Variants in MBD5 observed in about 807,000 individuals in gnomAD.
MBD5 encodes the protein methyl-CpG-binding domain protein 5.
Under a neutral mutation model 117.3 loss-of-function variants are expected in MBD5, and 13 were observed. The observed-to-expected ratio is 0.11, with a 90% CI of 0.07 to 0.18. MBD5 has a LOEUF of 0.18. MBD5 is among the 10% of genes least tolerant of loss of function. The probability of loss-of-function intolerance (pLI) is 1.00; values close to 1 mark genes in which losing one functional copy is unlikely to be tolerated. For synonymous variants in MBD5, 727 were observed against 766.4 expected, an observed-to-expected ratio of 0.95 and a Z score of 0.85; for missense variants, 1,879 against 2,093.8, an observed-to-expected ratio of 0.90 and a Z score of 2.00.
At chr2:148,138,968 C>CTGCAT (rs1397386394) in intron 1 of MBD5, among the ~76,000 whole-genome samples, 1 of 152,138 alleles carries the variant, frequency 6.6e-6, no homozygotes, top group Non-Finnish European at 1.5e-5. Flanking sequence ...GCAGTTTCTA[C>CTGCAT]TGTTGTGTTT....
chr2:148,105,191 A>C (rs1238322355), intron 1 of MBD5, among the ~76,000 whole-genome samples: 2 of 148,680 alleles, frequency 1.3e-5, no homozygotes, highest in African/African-American at 4.9e-5. Context: ...CAGCATCTAT[A>C]GTTATATAGT....
chr2:148,276,186 G>T (rs889200312), intron 3 of MBD5, among the ~76,000 whole-genome samples: 2 of 151,992 alleles, frequency 1.3e-5, no homozygotes, highest in African/African-American at 4.8e-5. Flanking sequence ...CAAATGTAAT[G>T]GTGCATGCCC....
chr2:148,387,842 C>G (rs1461787696), intron 4 of MBD5, among the ~76,000 whole-genome samples: 1 of 152,016 alleles, frequency 6.6e-6, no homozygotes, highest in Non-Finnish European at 1.5e-5. Flanking sequence ...AAACTATAGA[C>G]TTTATTGAAC....
chr2:148,485,234 A>G (rs1210684482), intron 9 of MBD5: 1 of 153,406 alleles, frequency 6.5e-6, no homozygotes, highest in Non-Finnish European at 1.5e-5. Flanking sequence ...CTTCTACTGC[A>G]AAACAAAATG....
intron 1 of MBD5, among the ~76,000 whole-genome samples, chr2:148,166,976 A>C (rs777197242): frequency 5.3e-5 from 8 of 151,950 alleles, no homozygotes; most frequent in Non-Finnish European, 8.8e-5. Flanking sequence ...TTTTTTGATA[A>C]TTTTTAAAGT....
intron 5 of MBD5, among the ~76,000 whole-genome samples, chr2:148,462,277 C>T (rs894815060): frequency 1.3e-5 from 2 of 152,116 alleles, no homozygotes; most frequent in Non-Finnish European, 2.9e-5. Flanking sequence ...TCCTTTCTTG[C>T]CTGCTTCTGT....
At chr2:148,158,703 TTTTG>T (rs145054978) in intron 1 of MBD5, among the ~76,000 whole-genome samples, 46,648 of 151,796 alleles carry the variant, frequency 0.31, 8,269 homozygotes, top group East Asian at 0.46. Flanking sequence ...TTCCTGTAAT[TTTTG>T]TTTGTTTGTT....
At chr2:148,051,637 GTGTGTGTGTGTT>G (rs1159576338) in intron 1 of MBD5, among the ~76,000 whole-genome samples, 3 of 118,568 alleles carry the variant, frequency 2.5e-5, no homozygotes, top group Non-Finnish European at 3.9e-5. Flanking sequence ...GTGTGTGTGT[GTGTGTGTGTGTT>G]GTCATGAAAG....
At chr2:148,379,047 T>G (rs1368324184) in intron 4 of MBD5, among the ~76,000 whole-genome samples, 1 of 151,920 alleles carries the variant, frequency 6.6e-6, no homozygotes, top group African/African-American at 2.4e-5. Flanking sequence ...CTGAGACTAG[T>G]AAAAGACTCA....
At chr2:148,061,319 G>T (rs747046515) in intron 1 of MBD5, among the ~76,000 whole-genome samples, 3 of 151,740 alleles carry the variant, frequency 2.0e-5, no homozygotes, top group Non-Finnish European at 2.9e-5. Flanking sequence ...TTCTTTTAGT[G>T]TTTCTCTTTT....
At chr2:148,351,798 A>G (rs1220851820) in intron 4 of MBD5, among the ~76,000 whole-genome samples, 1 of 152,034 alleles carries the variant, frequency 6.6e-6, no homozygotes, top group African/African-American at 2.4e-5. Flanking sequence ...AGGTTCTGCT[A>G]TGTAAGAATT....
chr2:148,081,666 C>A (rs949170100), intron 1 of MBD5, among the ~76,000 whole-genome samples: 8 of 152,224 alleles, frequency 5.3e-5, no homozygotes, highest in Admixed American at 3.9e-4. Flanking sequence ...AAGTTCTGGT[C>A]TCCTTTTTTT....
At chr2:148,428,070 T>C in intron 4 of MBD5, among the ~76,000 whole-genome samples, 1 of 152,214 alleles carries the variant, frequency 6.6e-6, no homozygotes, top group Non-Finnish European at 1.5e-5. Flanking sequence ...TGTTTGCAGA[T>C]GACATGATTG....
At chr2:148,495,603 G>A (rs758037699) in intron 11 of MBD5, among the ~76,000 whole-genome samples, 38 of 152,096 alleles carry the variant, frequency 2.5e-4, no homozygotes, top group Non-Finnish European at 5.0e-4. Flanking sequence ...GACAGATACA[G>A]AGACACCTGA....
intron 2 of MBD5, among the ~76,000 whole-genome samples, chr2:148,209,772 A>C (rs1375656574): frequency 6.6e-6 from 1 of 151,794 alleles, no homozygotes; most frequent in East Asian, 2.0e-4. Flanking sequence ...TCACATGGTG[A>C]GGGGAGGAGC....
rs146040652 is a variant in MBD5, at chr2:148,311,058, A to G, written c.-679-31156A>G. 5.0e-3 allele frequency among the ~76,000 whole-genome samples: 768 copies of G among 152,240 alleles called. 9 individuals are homozygous for G. The highest frequency in any genetic ancestry group is 0.018 in the African/African-American group (742 of 41,526). On this transcript the variant is annotated intron_variant, in intron 3 of 13. Transcript: ENST00000642680. ...TTTTGCATTTGCTGAGGAGTGTTTT[A>G]CTTCTAATTATGTGGTCAATTCTAG...
intron 4 of MBD5, among the ~76,000 whole-genome samples, chr2:148,373,196 T>G (rs1407472601): frequency 6.6e-6 from 1 of 152,154 alleles, no homozygotes; most frequent in African/African-American, 2.4e-5. Flanking sequence ...TTGAATAGGT[T>G]TCAATATTCA....
At position 148,233,382 on chromosome 2, in the gene MBD5, A is replaced by C. The variant is rs1057523808; in HGVS notation, c.-693A>C. 2.0e-5 allele frequency: 3 copies of C among 152,350 alleles called. No individual in the cohort carries two copies. In the East Asian group the frequency reaches 5.8e-4, roughly 29 times the overall value. 9.4% of individuals were successfully genotyped at this position (152,350 alleles called of 1,614,324 possible). ...TGGCAGATGGCAACAGAGGATGTCA[A>C]CAATTTTTTGGAGGCAAGCAATGAA... is the stretch of plus-strand genomic sequence containing the variant. On this transcript the variant is annotated 5_prime_UTR_variant, in exon 3 of 14. Transcript: ENST00000642680.
intron 1 of MBD5, among the ~76,000 whole-genome samples, chr2:148,065,054 G>A (rs576839183): frequency 6.6e-6 from 1 of 152,202 alleles, no homozygotes; most frequent in South Asian, 2.1e-4. Context: ...GATAGAGATG[G>A]AGTTGCACAG....
Sources: allele counts gnomAD v4.1 joint callset (sites outside exome capture counted in the v4.1 genomes callset), GRCh38; gene constraint gnomAD v4.1.1; transcripts MANE v1.5; gene names NCBI Gene and HGNC (gene_info 2026-07-23, HGNC 2026-07-21).